Variants in GADL1 observed in about 807,000 individuals in gnomAD.
The protein encoded by GADL1 is acidic amino acid decarboxylase GADL1.
A neutral mutation model predicts 69.5 loss-of-function variants in GADL1; 71 were observed. The ratio of observed to expected loss-of-function variants is 1.02; its 90% CI spans 0.84 to 1.25. The LOEUF (loss-of-function observed/expected upper bound fraction) is 1.25. GADL1 is among the 50% of genes most tolerant of loss of function. The pLI, the probability that GADL1 is intolerant of heterozygous loss-of-function variation, is 0.00. For missense variants in GADL1, 737 were observed against 631.8 expected, an observed-to-expected ratio of 1.17 and a Z score of -1.79; for synonymous variants, 254 against 214.4, an observed-to-expected ratio of 1.18 and a Z score of -1.62.
chr3:30,762,552 C>A (rs1696163798), intron 14 of GADL1, among the ~76,000 whole-genome samples: 1 of 152,058 alleles, frequency 6.6e-6, no homozygotes, highest in African/African-American at 2.4e-5. Flanking sequence ...TACAGGCATG[C>A]ACTGAAATAA....
At chr3:30,752,510 G>A (rs72852575) in intron 14 of GADL1, among the ~76,000 whole-genome samples, 1,986 of 152,002 alleles carry the variant, frequency 0.013, 40 homozygotes, top group African/African-American at 0.045. Context: ...CTGGCGATGA[G>A]GATGCTGTGG....
intron 14 of GADL1, among the ~76,000 whole-genome samples, chr3:30,761,800 A>G (rs1477530788): frequency 6.6e-6 from 1 of 152,190 alleles, no homozygotes; most frequent in African/African-American, 2.4e-5. Context: ...CCCTCCACCT[A>G]GTAGCTCTAC....
intron 14 of GADL1, among the ~76,000 whole-genome samples, chr3:30,772,976 C>T (rs1183920455): frequency 1.3e-5 from 2 of 151,800 alleles, no homozygotes; most frequent in Non-Finnish European, 2.9e-5. Context: ...ACTAGCAATG[C>T]GTCTAAACTT....
At chr3:30,741,031 A>ATAATATATTATATATTATATAT (rs1239742594) in intron 14 of GADL1, among the ~76,000 whole-genome samples, 4 of 124,292 alleles carry the variant, frequency 3.2e-5, no homozygotes, top group African/African-American at 1.3e-4. Context: ...AATATATTAT[A>ATAATATATTATATATTATATAT]TAATATATAT....
chr3:30,884,916 A>C (rs1698683998), intron 1 of GADL1, among the ~76,000 whole-genome samples: 1 of 151,946 alleles, frequency 6.6e-6, no homozygotes, highest in Admixed American at 6.6e-5. Context: ...TATCACCTTT[A>C]TCGTATGGGG....
At chr3:30,868,734 G>A (rs1698440054) in intron 1 of GADL1, among the ~76,000 whole-genome samples, 1 of 151,874 alleles carries the variant, frequency 6.6e-6, no homozygotes, top group Non-Finnish European at 1.5e-5. Context: ...CAGTCTTAGG[G>A]TTTTGTCAGA....
intron 4 of GADL1, among the ~76,000 whole-genome samples, chr3:30,852,575 C>T (rs1258245448): frequency 2.0e-5 from 3 of 150,462 alleles, no homozygotes; most frequent in South Asian, 4.2e-4. Flanking sequence ...TGTACATACA[C>T]AAAAAGTATG....
In GADL1 at chr3:30,783,544, T is replaced by C. The variant is rs146755202; in HGVS notation, c.1302+2811A>G. On this transcript the variant is annotated intron_variant, in intron 13 of 14. Coordinates refer to ENST00000282538, the MANE Select transcript of GADL1 (RefSeq NM_207359.3). ...AGTGACACATACTCTCTCAAATACA[T>C]GTACATATACATATATAGACATACA... is the stretch of plus-strand genomic sequence containing the variant. Among the ~76,000 whole-genome samples, 486 of 152,334 alleles carry C rather than the reference T, an allele frequency of 3.2e-3. 2 individuals are homozygous for C. The highest frequency in any genetic ancestry group is 0.011 in the African/African-American group (470 of 41,578).
chr3:30,791,075 G>A (rs1696902582), intron 12 of GADL1, among the ~76,000 whole-genome samples: 1 of 151,958 alleles, frequency 6.6e-6, no homozygotes, highest in South Asian at 2.1e-4. Context: ...ACCTGAGGGA[G>A]GGGGAAACAA....
intron 11 of GADL1, among the ~76,000 whole-genome samples, chr3:30,810,202 T>G (rs1192480825): frequency 6.6e-6 from 1 of 152,210 alleles, no homozygotes; most frequent in Non-Finnish European, 1.5e-5. Flanking sequence ...GTCTGCCTGG[T>G]TCAAGCCGTT....
chr3:30,778,999 A>G (rs764229481), intron 13 of GADL1: 1 of 151,986 alleles, frequency 6.6e-6, no homozygotes, highest in Non-Finnish European at 1.5e-5. Flanking sequence ...TTTATGTTCT[A>G]TCAGAAACTC....
intron 1 of GADL1, among the ~76,000 whole-genome samples, chr3:30,889,084 TAAAAAAAA>T (rs60227313): frequency 4.3e-4 from 14 of 32,914 alleles, no homozygotes; most frequent in East Asian, 1.6e-3. Context: ...CGGTAATCTA[TAAAAAAAA>T]AAAAAAAAAA....
intron 11 of GADL1, among the ~76,000 whole-genome samples, chr3:30,817,750 G>A (rs1697499751): frequency 6.6e-6 from 1 of 152,138 alleles, no homozygotes; most frequent in Non-Finnish European, 1.5e-5. Flanking sequence ...GATGTCGAGG[G>A]TATAATCTGC....
chr3:30,829,724 T>C (rs926923809), intron 11 of GADL1, among the ~76,000 whole-genome samples: 1 of 151,926 alleles, frequency 6.6e-6, no homozygotes, highest in South Asian at 2.1e-4. Context: ...TAAATAGATA[T>C]TAGTGGGTTT....
chr3:30,842,480 T>C (rs971466049), intron 8 of GADL1, among the ~76,000 whole-genome samples: 1 of 151,920 alleles, frequency 6.6e-6, no homozygotes, highest in Non-Finnish European at 1.5e-5. Context: ...TGTGTTTTGG[T>C]TTTTTAGGAA....
intron 12 of GADL1, among the ~76,000 whole-genome samples, chr3:30,794,280 G>GT (rs1433080587): frequency 2.6e-5 from 3 of 113,540 alleles, no homozygotes; most frequent in Non-Finnish European, 5.4e-5. Context: ...AAGTAGCAGA[G>GT]TGGGAGTTCC....
chr3:30,847,253 T>C lies in GADL1; in HGVS notation c.651+2743A>G, dbSNP rs149712692. Among the ~76,000 whole-genome samples the C allele has an allele frequency of 5.8e-3, 876 of 152,298 alleles. 6 individuals carry two copies. Among genetic ancestry groups the C allele is most frequent in the Non-Finnish European group, 9.0e-3 (610 of 68,024 alleles). On this transcript the variant is annotated intron_variant, in intron 6 of 14. Transcript: ENST00000282538. ...GGTCTTTGTCATGACCTTGCAGGTCTTTATCAATAGTAAAATTACAATAAA... is the reference window on the plus strand; with the variant it reads ...GGTCTTTGTCATGACCTTGCAGGTCCTTATCAATAGTAAAATTACAATAAA...
At chr3:30,769,433 G>A (rs1034029545) in intron 14 of GADL1, among the ~76,000 whole-genome samples, 1 of 152,108 alleles carries the variant, frequency 6.6e-6, no homozygotes, top group Non-Finnish European at 1.5e-5. Flanking sequence ...AAAGAGGGAA[G>A]CTGAGGATGA....
chr3:30,800,905 C>T lies in GADL1; in HGVS notation c.1234G>A (p.Ala412Thr). The T allele has an allele frequency of 1.2e-6, 2 of 1,606,422 alleles. No individual in the cohort carries two copies. Among genetic ancestry groups the T allele is most frequent in the Non-Finnish European group, 8.5e-7 (1 of 1,177,558 alleles). Reference sequence around the variant, plus strand: ...GGCTAGTACCTAGATAAAGCAAGAGCACGATTAACTCTTTCTTCAAGGCCT... The same window carrying T: ...GGCTAGTACCTAGATAAAGCAAGAGTACGATTAACTCTTTCTTCAAGGCCT... Reference protein sequence around the residue: ...TLGLEERVNRALALSRYLVDE... With the variant: ...TLGLEERVNRTLALSRYLVDE... The change falls in exon 12 of 15, where the codon GCT (alanine) becomes ACT (threonine). Residue 412 changes from alanine (A) to threonine (T), a missense_variant. Coordinates refer to ENST00000282538, the MANE Select transcript of GADL1 (RefSeq NM_207359.3).
Sources: allele counts gnomAD v4.1 joint callset (sites outside exome capture counted in the v4.1 genomes callset), GRCh38; gene constraint gnomAD v4.1.1; transcripts MANE v1.5; gene names NCBI Gene and HGNC (gene_info 2026-07-23, HGNC 2026-07-21).